The following DNAH17 variants were observed in gnomAD, a reference collection of about 807,000 sequenced individuals.
The protein encoded by DNAH17 is dynein axonemal heavy chain 17, also known as axonemal beta dynein heavy chain 17.
Under a neutral mutation model 485.6 loss-of-function variants are expected in DNAH17, and 376 were observed. The observed-to-expected ratio is 0.77, with a 90% CI of 0.71 to 0.84. The LOEUF is 0.84. Ranked by LOEUF, DNAH17 falls within the 40% of genes least tolerant of loss-of-function variation. The pLI is 0.00. For synonymous variants in DNAH17, 3,031 were observed against 2,405.9 expected (o/e 1.26, Z -7.60); for missense variants, 6,370 against 5,839.3 (o/e 1.09, Z -2.96).
In DNAH17 at chr17:78,468,959, G is replaced by A. The variant is rs1416265951; in HGVS notation, c.8512-76C>T. 4.6e-6 allele frequency: 7 copies of A among 1,514,424 alleles called. No individual in the cohort carries two copies. The Admixed American group carries it at 1.0e-4, about 22-fold the overall frequency. The allele number at this position is 1,514,424 out of a possible 1,614,324, so 93.8% of individuals were successfully genotyped here. A position where few individuals can be genotyped will look rare whatever the true frequency, so the allele number is the denominator to read the frequency against. ...TAGAGACATCCTCCACAACCAACCAGAGCACAGGGCCATTTTTTCTTTGAG... is the reference window on the plus strand; with the variant it reads ...TAGAGACATCCTCCACAACCAACCAAAGCACAGGGCCATTTTTTCTTTGAG... On this transcript the variant is annotated intron_variant, in intron 54 of 80. Transcript: ENST00000389840.
intron 26 of DNAH17, 41 bp downstream of exon 26, chr17:78,514,733 C>T (rs529154931): frequency 1.6e-5 from 26 of 1,598,424 alleles, no homozygotes; most frequent in Admixed American, 1.4e-4. Flanking sequence ...CAGAGCTGGC[C>T]GCCAGGGGCG....
intron 58 of DNAH17, 58 bp from the exon 59 acceptor site, chr17:78,460,315 C>G: frequency 6.8e-7 from 1 of 1,465,214 alleles, no homozygotes; most frequent in Non-Finnish European, 9.2e-7. Context: ...CCTGTGGGGG[C>G]GTGTACGTGC....
intron 48 of DNAH17, among the ~76,000 whole-genome samples, chr17:78,482,033 G>A (rs1598542945): frequency 1.3e-5 from 2 of 148,998 alleles, no homozygotes; most frequent in East Asian, 3.9e-4. Context: ...AATAAAATAA[G>A]CTGAATAATT....
intron 6 of DNAH17, 82 bp downstream of exon 6, chr17:78,570,866 A>AAAAAAAAAAAAAG (rs2092343557): frequency 1.4e-6 from 1 of 725,330 alleles, no homozygotes; most frequent in African/African-American, 2.2e-5. Flanking sequence ...CAAAAAAAAA[A>AAAAAAAAAAAAAG]AAAAAAAAAA....
intron 54 of DNAH17, among the ~76,000 whole-genome samples, chr17:78,470,943 A>G (rs2088720510): frequency 6.6e-6 from 1 of 152,138 alleles, no homozygotes; most frequent in Non-Finnish European, 1.5e-5. Flanking sequence ...TTTTTAAAGC[A>G]TTTTACAGAG....
chr17:78,472,827 C>G (rs955488702), intron 54 of DNAH17: 1 of 436,912 alleles, frequency 2.3e-6, no homozygotes, highest in Non-Finnish European at 4.7e-6. Context: ...TGTGCCCCAG[C>G]TCCACCCAGG....
At chr17:78,528,179 G>A (rs1361773339) in intron 22 of DNAH17, among the ~76,000 whole-genome samples, 1 of 152,186 alleles carries the variant, frequency 6.6e-6, no homozygotes, top group Admixed American at 6.6e-5. Flanking sequence ...TATGGTTTCT[G>A]TCTGCATTTT....
intron 77 of DNAH17, among the ~76,000 whole-genome samples, chr17:78,427,417 T>G (rs1448640966): frequency 6.6e-6 from 1 of 152,206 alleles, no homozygotes; most frequent in Non-Finnish European, 1.5e-5. Flanking sequence ...TGGTCAAATG[T>G]AGCCAGCGGT....
At position 78,495,723 on chromosome 17, in the gene DNAH17, T is replaced by C. The variant is rs1598583832; in HGVS notation, c.5903+152A>G. ...AAAGTGCTGACATTACAGAAGTGAG[T>C]TACTGTGCCCGGCCATCTTGGGAGC... On this transcript the variant is annotated intron_variant, in intron 38 of 80. Transcript: ENST00000389840. 2.6e-5 allele frequency among the ~76,000 whole-genome samples: 4 copies of C among 152,112 alleles called. No individual in the cohort carries two copies. In the East Asian group the frequency reaches 5.8e-4, roughly 22 times the overall value.
intron 31 of DNAH17, among the ~76,000 whole-genome samples, chr17:78,504,971 T>G (rs2090440042): frequency 7.2e-6 from 1 of 139,684 alleles, no homozygotes; most frequent in Non-Finnish European, 1.5e-5. Context: ...AGTGGCGCGA[T>G]CTTGGCTCAC....
At chr17:78,529,068 T>G (rs2143284554) in intron 22 of DNAH17, among the ~76,000 whole-genome samples, 1 of 151,612 alleles carries the variant, frequency 6.6e-6, no homozygotes, top group African/African-American at 2.4e-5. Context: ...CTCAGCCTCC[T>G]GAGTAGCTGA....
chr17:78,486,289 G>C lies in DNAH17; in HGVS notation c.7036C>G (p.Leu2346Val). The C allele has an allele frequency of 6.2e-7, 1 of 1,611,700 alleles. No individual in the cohort carries two copies. Among genetic ancestry groups the C allele is most frequent in the Non-Finnish European group, 8.5e-7 (1 of 1,178,194 alleles). ...GTGAACACGAAGTACAGCTCGTACAGCTCCCTGGGGGAGTCGGGGGGCACG... is the reference window on the plus strand; with the variant it reads ...GTGAACACGAAGTACAGCTCGTACACCTCCCTGGGGGAGTCGGGGGGCACG... ...KTVPPDSPRE[L>V]YELYFVFTCF... is the part of the protein sequence containing the mutation. Residue 2346 changes from leucine (L) to valine (V), a missense_variant, in exon 45 of 81, where the codon CTG becomes GTG. Physicochemically the swap from Leu to Val is conservative, Grantham distance 32 (BLOSUM62 1). Transcript: ENST00000389840.
At chr17:78,491,656 T>C in intron 42 of DNAH17, 86 bp from the exon 43 acceptor site, 2 of 1,510,858 alleles carry the variant, frequency 1.3e-6, no homozygotes, top group Admixed American at 4.1e-5. Context: ...CCTCTCTCTC[T>C]GGGAGGGAGC....
chr17:78,493,994 C>A, intron 41 of DNAH17, 42 bp downstream of exon 41: 1 of 1,587,350 alleles, frequency 6.3e-7, no homozygotes, highest in Non-Finnish European at 8.6e-7. Context: ...CCCTCCCCCA[C>A]CATGCCGGAT....
intron 61 of DNAH17, 38 bp from the exon 62 acceptor site, chr17:78,458,718 C>T (rs748383452): frequency 2.6e-5 from 40 of 1,554,656 alleles, no homozygotes; most frequent in Non-Finnish European, 3.2e-5. Context: ...GAAAACCCCA[C>T]GAGGCATCTC....
At chr17:78,442,084 G>GAAA (rs112049270) in intron 71 of DNAH17, among the ~76,000 whole-genome samples, 4 of 149,268 alleles carry the variant, frequency 2.7e-5, no homozygotes, top group Non-Finnish European at 4.5e-5. Flanking sequence ...CTCCATCTCA[G>GAAA]AAAAAAAAAA....
intron 77 of DNAH17, 77 bp downstream of exon 77, chr17:78,428,448 G>T (rs1441606378): frequency 4.0e-6 from 6 of 1,515,396 alleles, no homozygotes; most frequent in Admixed American, 2.0e-5. Context: ...CTGTACTGCC[G>T]CCAGTCCCTG....
rs77022678 is a variant in DNAH17 at position 78,538,420 on chromosome 17, G to C, written c.2677-939C>G. The stretch of plus-strand genomic sequence containing the variant: ...TCAAAATGTGGGCCAGGATCCACCA[G>C]GCTGTGAGATCACACTGTGGCCACT... On this transcript the variant is annotated intron_variant, in intron 18 of 80. Coordinates refer to ENST00000389840, the MANE Select transcript of DNAH17 (RefSeq NM_173628.4). 7.9e-3 allele frequency among the ~76,000 whole-genome samples: 1,207 copies of C among 152,286 alleles called. 22 individuals carry two copies. The highest frequency in any genetic ancestry group is 0.028 in the African/African-American group (1,153 of 41,544).
rs767867704 is a variant in DNAH17 at position 78,494,747 on chromosome 17, G to C, written c.6116C>G (p.Pro2039Arg). 4.3e-6 allele frequency: 7 copies of C among 1,613,558 alleles called. No individual in the cohort carries two copies. Among genetic ancestry groups the C allele is most frequent in the African/African-American group, 1.3e-5 (1 of 74,924 alleles). ...VVAGSLKRGD[P>R]SRAEDQVLMR... ...GAGCACCTGGTCCTCTGCCCGGCTG[G>C]GGTCGCCCCTCTTCAGGGAGCCGGC... is the stretch of plus-strand genomic sequence containing the variant. The change falls in exon 40 of 81, where the codon CCC (proline) becomes CGC (arginine). Residue 2039 changes from proline to arginine, a missense_variant. Physicochemically the swap from Pro to Arg is moderately radical, Grantham distance 103. Transcript: ENST00000389840.
Sources: gnomAD v4.1 joint callset for allele counts (sites outside exome capture counted in the v4.1 genomes callset) on GRCh38, gnomAD v4.1.1 for gene constraint, MANE v1.5 for transcripts, NCBI Gene and HGNC (gene_info 2026-07-23, HGNC 2026-07-21) for gene names.